The following ANKRD28 variants were observed in gnomAD, a reference collection of about 807,000 sequenced individuals.
ANKRD28 encodes the protein serine/threonine-protein phosphatase 6 regulatory ankyrin repeat subunit A.
A neutral mutation model predicts 126.5 loss-of-function variants in ANKRD28; 44 were observed. The observed-to-expected ratio is 0.35, with a 90% CI of 0.27 to 0.45. The LOEUF is 0.45. ANKRD28 is among the 20% of genes least tolerant of loss of function. ANKRD28 has a pLI of 1.00. For missense variants in ANKRD28, 1,110 were observed against 1,316.6 expected, an observed-to-expected ratio of 0.84 and a Z score of 2.43; for synonymous variants, 442 against 468.5, an observed-to-expected ratio of 0.94 and a Z score of 0.73.
chr3:15,709,752 A>G lies in ANKRD28; in HGVS notation c.1338-16T>C. 6.6e-7 allele frequency: 1 copy of G among 1,525,644 alleles called. No homozygotes were observed. Among genetic ancestry groups the G allele is most frequent in the Non-Finnish European group, 8.9e-7 (1 of 1,127,816 alleles). The allele number at this position is 1,525,644 out of a possible 1,614,324, so 94.5% of individuals were successfully genotyped here. On this transcript the variant is annotated splice_polypyrimidine_tract_variant and intron_variant, in intron 12 of 27. Transcript: ENST00000683139. ...CTCCAAATTCCTATTGAGAGAAAATACAGTTAGAAAACTTAATTGACAGTG... is the reference window on the plus strand; with the variant it reads ...CTCCAAATTCCTATTGAGAGAAAATGCAGTTAGAAAACTTAATTGACAGTG...
chr3:15,829,981 A>G (rs942524864), intron 1 of ANKRD28, among the ~76,000 whole-genome samples: 1 of 152,026 alleles, frequency 6.6e-6, no homozygotes. Flanking sequence ...ACTCAATCAC[A>G]TAAGCATTTT....
chr3:15,849,673 C>T (rs970476118), intron 1 of ANKRD28, among the ~76,000 whole-genome samples: 2 of 152,138 alleles, frequency 1.3e-5, no homozygotes, highest in Admixed American at 1.3e-4. Context: ...TTATCTTCTA[C>T]CTGTTTCACA....
chr3:15,829,114 T>A (rs2061133047), intron 1 of ANKRD28, among the ~76,000 whole-genome samples: 1 of 152,194 alleles, frequency 6.6e-6, no homozygotes, highest in Non-Finnish European at 1.5e-5. Context: ...CTTATGAGGA[T>A]TATTTCTACT....
At chr3:15,719,593 AAGGTCTCACCTGTCGCCC>A (rs1302829147) in intron 8 of ANKRD28, among the ~76,000 whole-genome samples, 8 of 152,206 alleles carry the variant, frequency 5.3e-5, no homozygotes, top group Non-Finnish European at 1.2e-4. Flanking sequence ...CATTTGAGGC[AAGGTCTCACCTGTCGCCC>A]AGGCTAGAGT....
At chr3:15,847,209 T>C (rs183761449) in intron 1 of ANKRD28, among the ~76,000 whole-genome samples, 2 of 152,228 alleles carry the variant, frequency 1.3e-5, no homozygotes, top group African/African-American at 4.8e-5. Flanking sequence ...CAAGAAACTT[T>C]TCCATGAAAA....
intron 18 of ANKRD28, 38 bp from the exon 19 acceptor site, chr3:15,686,347 T>C (rs2068128471): frequency 2.1e-6 from 3 of 1,436,520 alleles, no homozygotes; most frequent in Non-Finnish European, 1.9e-6. Context: ...TAATTACATA[T>C]AATGATAAAA....
intron 1 of ANKRD28, among the ~76,000 whole-genome samples, chr3:15,824,149 A>G (rs1164432237): frequency 6.6e-6 from 1 of 152,238 alleles, no homozygotes; most frequent in Non-Finnish European, 1.5e-5. Context: ...GATGTTATAC[A>G]TAGAAAATCC....
intron 17 of ANKRD28, 21 bp downstream of exon 17, chr3:15,694,718 G>T (rs373860252): frequency 5.6e-6 from 9 of 1,603,980 alleles, no homozygotes; most frequent in Non-Finnish European, 7.7e-6. Flanking sequence ...CCATCAAGTC[G>T]GCTATGAAGG....
At chr3:15,716,318 G>T (rs2126117533) in intron 8 of ANKRD28, among the ~76,000 whole-genome samples, 1 of 150,318 alleles carries the variant, frequency 6.7e-6, no homozygotes, top group Admixed American at 6.6e-5. Context: ...AGAGATGGGG[G>T]TCTTGGTCTG....
intron 8 of ANKRD28, among the ~76,000 whole-genome samples, 161 bp downstream of exon 8, chr3:15,720,754 C>T (rs2073640347): frequency 1.3e-5 from 2 of 152,104 alleles, no homozygotes; most frequent in African/African-American, 2.4e-5. Context: ...AAAGAATGTA[C>T]ATACTCTTGA....
intron 3 of ANKRD28, among the ~76,000 whole-genome samples, chr3:15,752,272 C>A (rs2057904295): frequency 6.6e-6 from 1 of 152,012 alleles, no homozygotes; most frequent in Admixed American, 6.5e-5. Flanking sequence ...AAATAGTTCT[C>A]CAGCCATGAT....
At chr3:15,803,089 T>C (rs534399722) in intron 1 of ANKRD28, among the ~76,000 whole-genome samples, 1 of 152,348 alleles carries the variant, frequency 6.6e-6, no homozygotes, top group African/African-American at 2.4e-5. Flanking sequence ...TAGAGAGGCC[T>C]TGTAAACCAA....
At chr3:15,825,324 T>C (rs376234025) in intron 1 of ANKRD28, among the ~76,000 whole-genome samples, 1 of 152,360 alleles carries the variant, frequency 6.6e-6, no homozygotes, top group Admixed American at 6.5e-5. Context: ...CTGGATTCAA[T>C]ACTGTACAAC....
At chr3:15,831,215 T>C (rs1014126433) in intron 1 of ANKRD28, among the ~76,000 whole-genome samples, 1 of 152,118 alleles carries the variant, frequency 6.6e-6, no homozygotes, top group African/African-American at 2.4e-5. Flanking sequence ...TCCCACAAAC[T>C]AAACAAGCTG....
At chr3:15,827,031 C>T (rs901704431) in intron 1 of ANKRD28, among the ~76,000 whole-genome samples, 1 of 152,146 alleles carries the variant, frequency 6.6e-6, no homozygotes, top group Non-Finnish European at 1.5e-5. Flanking sequence ...TTCACTCTCT[C>T]ATCACCAGGG....
chr3:15,768,998 A>C (rs1559500931), intron 2 of ANKRD28, among the ~76,000 whole-genome samples: 1 of 152,170 alleles, frequency 6.6e-6, no homozygotes, highest in East Asian at 1.9e-4. Flanking sequence ...TAATTTAGTC[A>C]TTTTTTTAAA....
chr3:15,721,629 T>C (rs1177127846), intron 7 of ANKRD28, among the ~76,000 whole-genome samples: 2 of 152,228 alleles, frequency 1.3e-5, no homozygotes, highest in Non-Finnish European at 2.9e-5. Context: ...ATTTATTTAA[T>C]TCATTTTTTG....
At chr3:15,794,988 T>C (rs1387314602) in intron 2 of ANKRD28, among the ~76,000 whole-genome samples, 3 of 152,106 alleles carry the variant, frequency 2.0e-5, no homozygotes, top group African/African-American at 7.2e-5. Flanking sequence ...TTTTTTAACT[T>C]CCCTATGTTT....
At chr3:15,841,729 T>C (rs13078485) in intron 1 of ANKRD28, among the ~76,000 whole-genome samples, 70,727 of 151,990 alleles carry the variant, frequency 0.47, 19,408 homozygotes, top group Non-Finnish European at 0.6. Context: ...AAAACTACAA[T>C]CATCTCACCG....
Sources: gnomAD v4.1 joint callset for allele counts (sites outside exome capture counted in the v4.1 genomes callset) on GRCh38, gnomAD v4.1.1 for gene constraint, MANE v1.5 for transcripts, NCBI Gene and HGNC (gene_info 2026-07-23, HGNC 2026-07-21) for gene names.